Variants in KCNIP4 observed in about 807,000 individuals in gnomAD.
KCNIP4 encodes the protein potassium voltage-gated channel interacting protein 4, also known as Kv channel-interacting protein 4.
Under a neutral mutation model 34.0 loss-of-function variants are expected in KCNIP4, and 12 were observed. The observed-to-expected ratio is 0.35, with a 90% confidence interval of 0.23 to 0.57. KCNIP4 has a LOEUF of 0.57. Ranked by LOEUF, KCNIP4 falls within the 20% of genes least tolerant of loss-of-function variation. The pLI, the probability that KCNIP4 is intolerant of heterozygous loss-of-function variation, is 0.83. For synonymous variants in KCNIP4, 124 were observed against 102.2 expected (o/e 1.21, Z -1.29); for missense variants, 238 against 311.7 (o/e 0.76, Z 1.78).
At chr4:20,801,552 G>T (rs1411057916) in intron 3 of KCNIP4, among the ~76,000 whole-genome samples, 5 of 152,056 alleles carry the variant, frequency 3.3e-5, no homozygotes, top group African/African-American at 1.2e-4. Flanking sequence ...TAAGTTATAG[G>T]GGGTGGAGAG....
intron 1 of KCNIP4, among the ~76,000 whole-genome samples, chr4:21,677,967 G>A (rs1750038356): frequency 6.6e-6 from 1 of 152,090 alleles, no homozygotes; most frequent in African/African-American, 2.4e-5. Context: ...GACCAGCCTG[G>A]TCTTGAACTC....
intron 1 of KCNIP4, among the ~76,000 whole-genome samples, chr4:21,144,359 T>C (rs1429218938): frequency 6.6e-6 from 1 of 152,164 alleles, no homozygotes; most frequent in African/African-American, 2.4e-5. Flanking sequence ...AACATATCAT[T>C]TAATAGAGAT....
rs182704670 is a variant in KCNIP4 at position 21,270,816 on chromosome 4, G to A, written c.62-388107C>T. Among the ~76,000 whole-genome samples the A allele has an allele frequency of 5.1e-3, 773 of 151,984 alleles. 5 individuals carry two copies. Among genetic ancestry groups the A allele is most frequent in the African/African-American group, 0.017 (712 of 41,470 alleles). Reference sequence around the variant, plus strand: ...AGCCTGGCCAACAAGGTGAAAACCCGTCTCTACTAAAAATTCAAAAATTAG... The same window carrying A: ...AGCCTGGCCAACAAGGTGAAAACCCATCTCTACTAAAAATTCAAAAATTAG... On this transcript the variant is annotated intron_variant, in intron 1 of 8. Transcript: ENST00000382152.
chr4:21,870,622 A>G (rs1725731590), intron 1 of KCNIP4, among the ~76,000 whole-genome samples: 1 of 152,220 alleles, frequency 6.6e-6, no homozygotes, highest in Non-Finnish European at 1.5e-5. Flanking sequence ...ACTATCTGCC[A>G]TCTCTCCCTT....
intron 1 of KCNIP4, among the ~76,000 whole-genome samples, chr4:21,618,450 C>CA (rs1190254292): frequency 6.6e-6 from 1 of 151,960 alleles, no homozygotes; most frequent in Non-Finnish European, 1.5e-5. Flanking sequence ...GCAAAATAGA[C>CA]AAAGTAATCA....
intron 1 of KCNIP4, among the ~76,000 whole-genome samples, chr4:21,707,265 T>C (rs1035043757): frequency 1.3e-5 from 2 of 152,180 alleles, no homozygotes; most frequent in East Asian, 3.8e-4. Flanking sequence ...ACCTTGGTAT[T>C]GAGTGTGACA....
At chr4:20,842,475 T>C (rs1407685434) in intron 3 of KCNIP4, among the ~76,000 whole-genome samples, 3 of 150,202 alleles carry the variant, frequency 2.0e-5, no homozygotes, top group Non-Finnish European at 4.4e-5. Context: ...ACTAGTTGGG[T>C]CACTGCAGTA....
chr4:21,892,600 A>G (rs545815510), intron 1 of KCNIP4, among the ~76,000 whole-genome samples: 1 of 152,024 alleles, frequency 6.6e-6, no homozygotes, highest in African/African-American at 2.4e-5. Context: ...TCTACTTAAA[A>G]AATTAGGTCC....
intron 1 of KCNIP4, among the ~76,000 whole-genome samples, chr4:20,923,356 T>G (rs1729589759): frequency 6.6e-6 from 1 of 152,234 alleles, no homozygotes. Flanking sequence ...TTATAAATTT[T>G]CACACCATTC....
At chr4:21,203,037 G>A (rs1435975392) in intron 1 of KCNIP4, among the ~76,000 whole-genome samples, 4 of 152,156 alleles carry the variant, frequency 2.6e-5, no homozygotes, top group Non-Finnish European at 4.4e-5. Flanking sequence ...CACAAATAAC[G>A]AATACTTGGC....
intron 1 of KCNIP4, among the ~76,000 whole-genome samples, chr4:21,588,579 A>G (rs1307552883): frequency 6.6e-6 from 1 of 151,976 alleles, no homozygotes; most frequent in Non-Finnish European, 1.5e-5. Flanking sequence ...CATATGCAGG[A>G]TACTTCTACT....
intron 1 of KCNIP4, among the ~76,000 whole-genome samples, chr4:21,075,245 G>A (rs1252026505): frequency 2.0e-5 from 3 of 152,158 alleles, no homozygotes; most frequent in Non-Finnish European, 4.4e-5. Context: ...GGGTGTTAAA[G>A]TCTCTCATTA....
chr4:20,793,181 C>T (rs1713000568), intron 3 of KCNIP4, among the ~76,000 whole-genome samples: 1 of 152,096 alleles, frequency 6.6e-6, no homozygotes, highest in East Asian at 1.9e-4. Context: ...TGTCCATTTA[C>T]AGGTGAATGG....
chr4:21,003,319 C>G (rs1412754665), intron 1 of KCNIP4, among the ~76,000 whole-genome samples: 1 of 152,186 alleles, frequency 6.6e-6, no homozygotes, highest in Non-Finnish European at 1.5e-5. Flanking sequence ...AACAAAACAA[C>G]ACAATCCATA....
At chr4:21,360,786 A>G (rs1719137863) in intron 1 of KCNIP4, among the ~76,000 whole-genome samples, 1 of 152,152 alleles carries the variant, frequency 6.6e-6, no homozygotes, top group South Asian at 2.1e-4. Flanking sequence ...AATAGACCCA[A>G]CTTTTTACAT....
intron 1 of KCNIP4, among the ~76,000 whole-genome samples, chr4:21,404,964 C>T (rs920789229): frequency 2.6e-5 from 4 of 152,140 alleles, no homozygotes; most frequent in African/African-American, 7.2e-5. Flanking sequence ...CCTATCTGTG[C>T]ACTTCCTTGT....
At chr4:21,112,228 A>G (rs1454610088) in intron 1 of KCNIP4, among the ~76,000 whole-genome samples, 1 of 152,152 alleles carries the variant, frequency 6.6e-6, no homozygotes, top group Non-Finnish European at 1.5e-5. Context: ...GAGGAACCCA[A>G]AGATCAATAT....
chr4:21,680,556 A>G (rs1426496003), intron 1 of KCNIP4, among the ~76,000 whole-genome samples: 1 of 152,210 alleles, frequency 6.6e-6, no homozygotes, highest in Admixed American at 6.5e-5. Context: ...TCATCAGAGG[A>G]ATCACTATCT....
chr4:21,789,069 T>TAAAA (rs1720098950), intron 1 of KCNIP4, among the ~76,000 whole-genome samples: 2 of 12,024 alleles, frequency 1.7e-4, no homozygotes, highest in Non-Finnish European at 4.8e-4. Context: ...CGAGATTCTG[T>TAAAA]CAAAAAAAAA....
Sources: allele counts gnomAD v4.1 joint callset (sites outside exome capture counted in the v4.1 genomes callset), GRCh38; gene constraint gnomAD v4.1.1; transcripts MANE v1.5; gene names NCBI Gene and HGNC (gene_info 2026-07-23, HGNC 2026-07-21).